The following GALP variants were observed in gnomAD, a reference collection of about 807,000 sequenced individuals.
The protein encoded by GALP is galanin like peptide.
GALP carries 12 observed loss-of-function variants against 15.2 expected under a neutral mutation model. The ratio of observed to expected loss-of-function variants is 0.79; its 90% CI spans 0.51 to 1.28. GALP has a LOEUF of 1.28. Ranked by LOEUF, GALP falls within the 50% of genes most tolerant of loss-of-function variation. GALP has a pLI of 0.00. For synonymous variants in GALP, 58 were observed against 55.1 expected (o/e 1.05, Z -0.23); for missense variants, 161 against 145.6 (o/e 1.11, Z -0.55).
At chr19:56,184,992 T>A (rs1424587092) in intron 5 of GALP, among the ~76,000 whole-genome samples, 2 of 152,102 alleles carry the variant, frequency 1.3e-5, no homozygotes, top group East Asian at 3.9e-4. Flanking sequence ...AGGGAGAATA[T>A]GTGGGCAGAT....
chr19:56,178,866 A>T (rs1264924702), intron 2 of GALP, among the ~76,000 whole-genome samples: 1 of 152,140 alleles, frequency 6.6e-6, no homozygotes, highest in Non-Finnish European at 1.5e-5. Context: ...TTCAGTGCAC[A>T]TCCTCCTTAA....
rs146006035 is a variant in GALP, at chr19:56,176,705, G to C, written c.-39-365G>C. ...GAGGGCAGAGGGGTGGAGGGAGTGA[G>C]GGGCTCCTGGGAGAGTGATGGGGGG... On this transcript the variant is annotated intron_variant, in intron 1 of 5. Transcript: ENST00000357330. Among the ~76,000 whole-genome samples, 114 of 151,792 alleles carry C rather than the reference G, an allele frequency of 7.5e-4. 1 individual carries two copies. Among genetic ancestry groups the C allele is most frequent in the African/African-American group, 2.5e-3 (105 of 41,216 alleles).
intron 2 of GALP, among the ~76,000 whole-genome samples, chr19:56,177,537 G>GGGGTTTCACCAT (rs1166894609): frequency 6.9e-6 from 1 of 143,940 alleles, no homozygotes; most frequent in Middle Eastern, 3.4e-3. Context: ...AAGAAGAAAT[G>GGGGTTTCACCAT]GGGTTTCACC....
intron 5 of GALP, 59 bp from the exon 6 acceptor site, chr19:56,185,156 C>A: frequency 1.8e-6 from 2 of 1,092,248 alleles, no homozygotes; most frequent in Non-Finnish European, 2.8e-6. Context: ...CAAAAATTAG[C>A]TGGGTGGGGA....
intron 2 of GALP, among the ~76,000 whole-genome samples, chr19:56,179,689 G>T (rs1245451036): frequency 2.0e-5 from 3 of 150,738 alleles, no homozygotes; most frequent in Non-Finnish European, 4.4e-5. Flanking sequence ...TGTCACCCAG[G>T]CTGGAGTGCA....
chr19:56,185,032 G>A (rs922418771), intron 5 of GALP, among the ~76,000 whole-genome samples, 183 bp from the exon 6 acceptor site: 2 of 152,134 alleles, frequency 1.3e-5, no homozygotes, highest in Admixed American at 6.5e-5. Context: ...CAGGCACGGT[G>A]GCTCACGCCT....
chr19:56,182,088 C>A, intron 3 of GALP, 84 bp from the exon 4 acceptor site: 1 of 961,382 alleles, frequency 1.0e-6, no homozygotes, highest in South Asian at 1.3e-5. Context: ...GTCCGGTGAG[C>A]CATGCTGTTG....
chr19:56,180,682 G>A (rs771686789), intron 3 of GALP, 48 bp downstream of exon 3: 3 of 1,503,072 alleles, frequency 2.0e-6, no homozygotes, highest in South Asian at 2.3e-5. Flanking sequence ...GAGTCTGCCT[G>A]GTTGCTGCAG....
chr19:56,181,598 G>A (rs1378679076), intron 3 of GALP, among the ~76,000 whole-genome samples: 2 of 151,824 alleles, frequency 1.3e-5, no homozygotes, highest in Admixed American at 1.3e-4. Context: ...AGTGGAGACG[G>A]GGTTTCTCCA....
At chr19:56,183,273 G>A (rs1253588043) in intron 5 of GALP, 61 bp downstream of exon 5, 1 of 1,362,654 alleles carries the variant, frequency 7.3e-7, no homozygotes, top group African/African-American at 1.4e-5. Context: ...GGAAGTGGCA[G>A]GCAGAGCTTA....
chr19:56,179,596 T>C (rs939428993), intron 2 of GALP, among the ~76,000 whole-genome samples: 5 of 151,596 alleles, frequency 3.3e-5, no homozygotes, highest in Admixed American at 1.3e-4. Flanking sequence ...CTAATGAAGC[T>C]AATAGCAAGT....
At position 56,181,557 on chromosome 19, in the gene GALP, A is replaced by G. The variant is rs570623567; in HGVS notation, c.137-615A>G. The stretch of plus-strand genomic sequence containing the variant: ...GTAGCTGGGATTACACGCATGCACC[A>G]CAATGCCCCACCGGCTAATTTTGTA... On this transcript the variant is annotated intron_variant, in intron 3 of 5. Coordinates refer to ENST00000357330, the MANE Select transcript of GALP (RefSeq NM_033106.4). Among the ~76,000 whole-genome samples, 4 of 151,722 alleles carry G rather than the reference A, an allele frequency of 2.6e-5. No individual in the cohort carries two copies. The South Asian group carries it at 8.3e-4, about 32-fold the overall frequency.
rs778263756 is a variant in GALP at position 56,177,156 on chromosome 19, G to A, written c.48G>A (p.Leu16=). The part of the protein sequence containing the change: ...VPLVLLLVLL[L]SLAETPASAP... ...TGGTCCTCCTCCTCGTCCTCTTGCTGAGCCTGGCAGAGACTCCAGCATCCG... is the reference window on the plus strand; with the variant it reads ...TGGTCCTCCTCCTCGTCCTCTTGCTAAGCCTGGCAGAGACTCCAGCATCCG... The change falls in exon 2 of 6, where the codon CTG becomes CTA. Residue 16 remains leucine, a synonymous_variant. Transcript: ENST00000357330. 7 of 1,613,640 alleles carry A rather than the reference G, an allele frequency of 4.3e-6. No homozygotes were observed. Among genetic ancestry groups the A allele is most frequent in the South Asian group, 1.1e-5 (1 of 91,046 alleles).
chr19:56,182,975 C>T (rs1353448997), intron 4 of GALP, among the ~76,000 whole-genome samples, 160 bp from the exon 5 acceptor site: 1 of 152,034 alleles, frequency 6.6e-6, no homozygotes, highest in Non-Finnish European at 1.5e-5. Flanking sequence ...AGCCGAGTAC[C>T]CAGTGGTTAT....
In GALP at chr19:56,183,190, G is replaced by A. The variant is rs762796454; in HGVS notation, c.273G>A (p.Thr91=). The A allele has an allele frequency of 7.4e-6, 12 of 1,613,740 alleles. No homozygotes were observed. The highest frequency in any genetic ancestry group is 6.7e-5 in the East Asian group (3 of 44,892). Residue 91 remains threonine, a synonymous_variant, in exon 5 of 6, where the codon ACG becomes ACA. Transcript: ENST00000357330. ...PQPSKRNVME[T]FAKPEIGDLG... ...CCTCCAAGAGGAATGTGATGGAGAC[G>A]TTTGCCAAACCAGAGATTGGAGGTA...
Position 56,185,314 on chromosome 19 carries a change from C to T in GALP, c.*44C>T, listed in dbSNP as rs772168374. 3.2e-6 allele frequency: 4 copies of T among 1,244,068 alleles called. No individual in the cohort carries two copies. Among genetic ancestry groups the T allele is most frequent in the African/African-American group, 1.5e-5 (1 of 66,810 alleles). The allele number at this position is 1,244,068 out of a possible 1,614,324, so 77.1% of individuals were successfully genotyped here. A position where few individuals can be genotyped will look rare whatever the true frequency, so the allele number is the denominator to read the frequency against. ...TCCTATCCTTCTTCTCCAGCTCCTCCTGCTCCCTCTGAAACCTTTTCTAGG... is the reference window on the plus strand; with the variant it reads ...TCCTATCCTTCTTCTCCAGCTCCTCTTGCTCCCTCTGAAACCTTTTCTAGG... On this transcript the variant is annotated 3_prime_UTR_variant, in exon 6 of 6. Transcript: ENST00000357330.
intron 5 of GALP, among the ~76,000 whole-genome samples, chr19:56,183,631 CT>C (rs1461474148): frequency 2.0e-5 from 3 of 152,140 alleles, no homozygotes; most frequent in Non-Finnish European, 4.4e-5. Flanking sequence ...AAGTTTTGCT[CT>C]TGTCGCCCAG....
intron 2 of GALP, among the ~76,000 whole-genome samples, chr19:56,178,229 C>A (rs1383335037): frequency 6.6e-6 from 1 of 151,036 alleles, no homozygotes; most frequent in Non-Finnish European, 1.5e-5. Context: ...TTTGAGAGGC[C>A]AAGATTAGAG....
intron 5 of GALP, among the ~76,000 whole-genome samples, chr19:56,184,704 C>T (rs889988175): frequency 6.6e-6 from 1 of 151,416 alleles, no homozygotes; most frequent in Non-Finnish European, 1.5e-5. Context: ...AGGATGGTCT[C>T]GATCTCCTGA....
Sources: gnomAD v4.1 joint callset for allele counts (sites outside exome capture counted in the v4.1 genomes callset) on GRCh38, gnomAD v4.1.1 for gene constraint, MANE v1.5 for transcripts, NCBI Gene and HGNC (gene_info 2026-07-23, HGNC 2026-07-21) for gene names.